The following POU3F4 variants were observed in gnomAD, a reference collection of about 807,000 sequenced individuals.
POU3F4 encodes POU domain, class 3, transcription factor 4.
POU3F4 carries 2 observed loss-of-function variants against 15.2 expected under a neutral mutation model. That is an observed-to-expected ratio of 0.13 (90% CI 0.05 to 0.42). The LOEUF (loss-of-function observed/expected upper bound fraction) is 0.42. Ranked by LOEUF, POU3F4 falls within the 10% of genes least tolerant of loss-of-function variation. The probability of loss-of-function intolerance (pLI) is 0.99; values close to 1 mark genes in which losing one functional copy is unlikely to be tolerated. For missense variants in POU3F4, 220 were observed against 297.0 expected (o/e 0.74, Z 1.91); for synonymous variants, 158 against 133.3 (o/e 1.19, Z -1.28).
rs186990152 is a variant in POU3F4 at position 83,509,122 on chromosome X, G to C, written c.798G>C (p.Pro266=). 1.1e-4 allele frequency: 131 copies of C among 1,209,920 alleles called. No homozygotes were observed. The highest frequency in any genetic ancestry group is 3.8e-5 in the Non-Finnish European group (34 of 895,168). ...AGGCGGATTCGTCCACAGGGAGCCC[G>C]ACCAGCATTGACAAGATCGCTGCAC... ...LEEADSSTGS[P]TSIDKIAAQG... The change falls in exon 1 of 1, where the codon CCG becomes CCC. Residue 266 remains proline, a synonymous_variant. Transcript: ENST00000644024.
rs1925908882 is a variant in POU3F4, at chrX:83,511,347, A to C, written c.*1937A>C. On this transcript the variant is annotated 3_prime_UTR_variant, in exon 1 of 1. Coordinates refer to ENST00000644024, the MANE Select transcript of POU3F4 (RefSeq NM_000307.5). The stretch of plus-strand genomic sequence containing the variant: ...CACGTGTGAGGCCGGCCAAGCACCC[A>C]ACACCCAGCCGCCGCCGGCCAGACC... 1 of 112,124 alleles carries C rather than the reference A, an allele frequency of 8.9e-6. No individual in the cohort carries two copies. Among genetic ancestry groups the C allele is most frequent in the Non-Finnish European group, 1.9e-5 (1 of 53,233 alleles). 9.2% of individuals were successfully genotyped at this position (112,124 alleles called of 1,213,427 possible). A position where few individuals can be genotyped will look rare whatever the true frequency, so the allele number is the denominator to read the frequency against.
In POU3F4 at chrX:83,510,404, T is replaced by A. The variant is rs1445731652; in HGVS notation, c.*994T>A. On this transcript the variant is annotated 3_prime_UTR_variant, in exon 1 of 1. Transcript: ENST00000644024. The stretch of plus-strand genomic sequence containing the variant: ...GGTGGAGTGCCTAGGAAGGGCAGAA[T>A]AGGGAAGCCTATTAGGTTTGCAAAC... 1.8e-5 allele frequency: 2 copies of A among 109,019 alleles called. No homozygotes were observed. Among genetic ancestry groups the A allele is most frequent in the African/African-American group, 6.7e-5 (2 of 29,854 alleles). The allele number at this position is 109,019 out of a possible 1,213,427, so 9.0% of individuals were successfully genotyped here. A position where few individuals can be genotyped will look rare whatever the true frequency, so the allele number is the denominator to read the frequency against.
rs1374593669 is a variant in POU3F4, at chrX:83,511,490, G to A, written c.*2080G>A. On this transcript the variant is annotated 3_prime_UTR_variant, in exon 1 of 1. Coordinates refer to ENST00000644024, the MANE Select transcript of POU3F4 (RefSeq NM_000307.5). ...AAAGCCCGGCCCGGTTGTCGAGGATGCGTTAGTATGAGTTGCCAGGCCTCT... is the reference window on the plus strand; with the variant it reads ...AAAGCCCGGCCCGGTTGTCGAGGATACGTTAGTATGAGTTGCCAGGCCTCT... 1 of 112,697 alleles carries A rather than the reference G, an allele frequency of 8.9e-6. No individual in the cohort carries two copies. The highest frequency in any genetic ancestry group is 2.8e-4 in the East Asian group (1 of 3,586). The allele number at this position is 112,697 out of a possible 1,213,427, so 9.3% of individuals were successfully genotyped here.
chrX:83,510,975 C>A lies in POU3F4; in HGVS notation c.*1565C>A, dbSNP rs1925900125. 1.8e-5 allele frequency: 2 copies of A among 109,655 alleles called. No individual in the cohort carries two copies. The highest frequency in any genetic ancestry group is 9.7e-5 in the Admixed American group (1 of 10,343). The allele number at this position is 109,655 out of a possible 1,213,427, so 9.0% of individuals were successfully genotyped here. Reference sequence around the variant, plus strand: ...GTGGGCTCGTGGGGAGCTGTCTCGGCGTTTCTGATAAGCACAGCTGGTGGA... The same window carrying A: ...GTGGGCTCGTGGGGAGCTGTCTCGGAGTTTCTGATAAGCACAGCTGGTGGA... On this transcript the variant is annotated 3_prime_UTR_variant, in exon 1 of 1. Coordinates refer to ENST00000644024, the MANE Select transcript of POU3F4 (RefSeq NM_000307.5).
In POU3F4 at chrX:83,510,022, T is replaced by A. The variant is rs1303312577; in HGVS notation, c.*612T>A. 8.9e-6 allele frequency: 1 copy of A among 111,831 alleles called. No individual in the cohort carries two copies. The highest frequency in any genetic ancestry group is 1.9e-5 in the Non-Finnish European group (1 of 53,385). 9.2% of individuals were successfully genotyped at this position (111,831 alleles called of 1,213,427 possible). On this transcript the variant is annotated 3_prime_UTR_variant, in exon 1 of 1. Coordinates refer to ENST00000644024, the MANE Select transcript of POU3F4 (RefSeq NM_000307.5). ...GCCTCTGAATAACCTTTCAGCGCCT[T>A]GGTTATAGCAGCTGTATTTCAGGTG...
chrX:83,508,768 G>T lies in POU3F4; in HGVS notation c.444G>T (p.Gly148=). The change falls in exon 1 of 1, where the codon GGG becomes GGT. Residue 148 remains glycine (G), a synonymous_variant. Coordinates refer to ENST00000644024, the MANE Select transcript of POU3F4 (RefSeq NM_000307.5). ...CCGTGAGCGGCATGCTGGAACACGG[G>T]GGACTCACCCCACCTCCAGCTGCCG... ...GFTVSGMLEH[G]GLTPPPAAAS... is the part of the protein sequence containing the mutation. 1 of 1,205,645 alleles carries T rather than the reference G, an allele frequency of 8.3e-7. No individual in the cohort carries two copies. Among genetic ancestry groups the T allele is most frequent in the Non-Finnish European group, 1.1e-6 (1 of 892,336 alleles).
rs1261258888 is a variant in POU3F4, at chrX:83,508,601, A to G, written c.277A>G (p.Ile93Val). Residue 93 changes from isoleucine to valine, a missense_variant, in exon 1 of 1, where the codon ATC becomes GTC. Coordinates refer to ENST00000644024, the MANE Select transcript of POU3F4 (RefSeq NM_000307.5). ...GCGCGAAGACCTGCAACTGGGTGCGATCATCCATCACCGCTCGCCACACGT... is the reference window on the plus strand; with the variant it reads ...GCGCGAAGACCTGCAACTGGGTGCGGTCATCCATCACCGCTCGCCACACGT... ...PGREDLQLGA[I>V]IHHRSPHVAH... The G allele has an allele frequency of 8.3e-7, 1 of 1,208,258 alleles. No homozygotes were observed. The highest frequency in any genetic ancestry group is 1.7e-5 in the African/African-American group (1 of 57,244).
rs969138831 is a variant in POU3F4 at position 83,511,074 on chromosome X, A to G, written c.*1664A>G. On this transcript the variant is annotated 3_prime_UTR_variant, in exon 1 of 1. Coordinates refer to ENST00000644024, the MANE Select transcript of POU3F4 (RefSeq NM_000307.5). ...TTCCTGCTTTTTAAAATATAAATAT[A>G]TATATATTTTTAAATCTCTGTGTGT... The G allele has an allele frequency of 6.5e-5, 7 of 107,345 alleles. No individual in the cohort carries two copies. Among genetic ancestry groups the G allele is most frequent in the Admixed American group, 5.0e-4 (5 of 9,911 alleles). 8.8% of individuals were successfully genotyped at this position (107,345 alleles called of 1,213,427 possible). A position where few individuals can be genotyped will look rare whatever the true frequency, so the allele number is the denominator to read the frequency against.
Position 83,509,615 on chromosome X carries a change from CTTTCA to C in POU3F4, c.*209_*213del. 4.0e-6 allele frequency: 2 copies of C among 506,047 alleles called. No individual in the cohort carries two copies. The highest frequency in any genetic ancestry group is 6.3e-6 in the Non-Finnish European group (2 of 317,131). 41.7% of individuals were successfully genotyped at this position (506,047 alleles called of 1,213,427 possible). ...TTCCCTTCTTTTTCCCTTTCCTTTC[CTTTCA>C]TTTTCTTTCCTTTCCCCTTCCCTTC... On this transcript the variant is annotated 3_prime_UTR_variant, in exon 1 of 1. Transcript: ENST00000644024.
At position 83,508,492 on chromosome X, in the gene POU3F4, C is replaced by A. The variant is rs372901057; in HGVS notation, c.168C>A (p.His56Gln). The change falls in exon 1 of 1, where the codon CAC (histidine) becomes CAA (glutamine). Residue 56 changes from histidine (H) to glutamine (Q), a missense_variant. Physicochemically the swap from His to Gln is conservative, Grantham distance 24. This residue lies in a region of POU3F4 where 161 missense variants were observed against 154.1 expected (regional missense o/e 1.05). Transcript: ENST00000644024. ...GCAATGGGCATCCCCTCGGGCATCA[C>A]TGGGTGACCAGTCTGAGCGACGGGG... is the stretch of plus-strand genomic sequence containing the variant. ...VPSNGHPLGH[H>Q]WVTSLSDGGP... 8.3e-7 allele frequency: 1 copy of A among 1,207,239 alleles called. No individual in the cohort carries two copies. Among genetic ancestry groups the A allele is most frequent in the Non-Finnish European group, 1.1e-6 (1 of 892,972 alleles).
Position 83,509,472 on chromosome X carries a change from C to T in POU3F4, c.*62C>T, listed in dbSNP as rs1925859617. 8.6e-7 allele frequency: 1 copy of T among 1,157,059 alleles called. No homozygotes were observed. Among genetic ancestry groups the T allele is most frequent in the Non-Finnish European group, 1.2e-6 (1 of 862,053 alleles). On this transcript the variant is annotated 3_prime_UTR_variant, in exon 1 of 1. Coordinates refer to ENST00000644024, the MANE Select transcript of POU3F4 (RefSeq NM_000307.5). ...GCAGCGCGGATTTCTCTTTCTCTCTCACTCTCTTCCTTTCATTCTAGTATT... is the reference window on the plus strand; with the variant it reads ...GCAGCGCGGATTTCTCTTTCTCTCTTACTCTCTTCCTTTCATTCTAGTATT...
Position 83,508,732 on chromosome X carries a change from G to A in POU3F4, c.408G>A (p.Gln136=). 2 of 1,209,262 alleles carry A rather than the reference G, an allele frequency of 1.7e-6. No homozygotes were observed. The highest frequency in any genetic ancestry group is 3.5e-5 in the African/African-American group (2 of 57,851). ...SSGQPLNVYS[Q]PGFTVSGMLE... ...GCCAACCCCTCAACGTGTACTCGCA[G>A]CCTGGCTTCACCGTGAGCGGCATGC... Residue 136 remains glutamine, a synonymous_variant, in exon 1 of 1, where the codon CAG becomes CAA. Transcript: ENST00000644024.
chrX:83,509,918 C>T lies in POU3F4; in HGVS notation c.*508C>T, dbSNP rs1925874104. On this transcript the variant is annotated 3_prime_UTR_variant, in exon 1 of 1. Coordinates refer to ENST00000644024, the MANE Select transcript of POU3F4 (RefSeq NM_000307.5). ...ACTCAGAGTAAGGTTTGTTTGGTCG[C>T]TCCTCTCTAGGAAGAACAAGGAGTG... 1 of 106,446 alleles carries T rather than the reference C, an allele frequency of 9.4e-6. No individual in the cohort carries two copies. Among genetic ancestry groups the T allele is most frequent in the Non-Finnish European group, 2.0e-5 (1 of 50,755 alleles). The allele number at this position is 106,446 out of a possible 1,213,427, so 8.8% of individuals were successfully genotyped here.
In POU3F4 at chrX:83,508,654, C is replaced by T; in HGVS notation, c.330C>T (p.His110=). 1 of 1,211,950 alleles carries T rather than the reference C, an allele frequency of 8.3e-7. No individual in the cohort carries two copies. Among genetic ancestry groups the T allele is most frequent in the Non-Finnish European group, 1.1e-6 (1 of 895,534 alleles). The change falls in exon 1 of 1, where the codon CAC becomes CAT. Residue 110 remains histidine, a synonymous_variant. Coordinates refer to ENST00000644024, the MANE Select transcript of POU3F4 (RefSeq NM_000307.5). ...HVAHHSPHTN[H]PNAWGASPAP... is the part of the protein sequence containing the mutation. ...CCCACCACTCACCGCACACTAACCA[C>T]CCCAACGCCTGGGGGGCCAGCCCGG...
rs1159818011 is a variant in POU3F4, at chrX:83,511,959, G to A, written c.*2549G>A. On this transcript the variant is annotated 3_prime_UTR_variant, in exon 1 of 1. Transcript: ENST00000644024. The stretch of plus-strand genomic sequence containing the variant: ...CAATTATTTATTTTCAATAAATTCT[G>A]CATTGTGTTTAAAAGGAAATTCTTT... 1.8e-5 allele frequency: 2 copies of A among 112,261 alleles called. No homozygotes were observed. Among genetic ancestry groups the A allele is most frequent in the Admixed American group, 9.4e-5 (1 of 10,646 alleles). The allele number at this position is 112,261 out of a possible 1,213,427, so 9.3% of individuals were successfully genotyped here.
At position 83,511,236 on chromosome X, in the gene POU3F4, C is replaced by G. The variant is rs1299258758; in HGVS notation, c.*1826C>G. On this transcript the variant is annotated 3_prime_UTR_variant, in exon 1 of 1. Coordinates refer to ENST00000644024, the MANE Select transcript of POU3F4 (RefSeq NM_000307.5). ...AACCTGGCTAGGCTGTGTAGAGATCCCAAAAATATGCAGTTGCTGTGGCTT... is the reference window on the plus strand; with the variant it reads ...AACCTGGCTAGGCTGTGTAGAGATCGCAAAAATATGCAGTTGCTGTGGCTT... 1 of 108,767 alleles carries G rather than the reference C, an allele frequency of 9.2e-6. No homozygotes were observed. The highest frequency in any genetic ancestry group is 3.3e-5 in the African/African-American group (1 of 29,917). 9.0% of individuals were successfully genotyped at this position (108,767 alleles called of 1,213,427 possible). A position where few individuals can be genotyped will look rare whatever the true frequency, so the allele number is the denominator to read the frequency against.
Position 83,509,521 on chromosome X carries a change from C to T in POU3F4, c.*111C>T. On this transcript the variant is annotated 3_prime_UTR_variant, in exon 1 of 1. Transcript: ENST00000644024. ...TTCTTTATTATTTTTCTCTCTCTCT[C>T]GTTCGCTCGCTCTCTCGTACTCTCT... 1 of 1,038,835 alleles carries T rather than the reference C, an allele frequency of 9.6e-7. No homozygotes were observed. 85.6% of individuals were successfully genotyped at this position (1,038,835 alleles called of 1,213,427 possible). A position where few individuals can be genotyped will look rare whatever the true frequency, so the allele number is the denominator to read the frequency against.
rs751518933 is a variant in POU3F4, at chrX:83,508,860, A to T, written c.536A>T (p.His179Leu). 1 of 1,209,281 alleles carries T rather than the reference A, an allele frequency of 8.3e-7. No homozygotes were observed. The highest frequency in any genetic ancestry group is 1.1e-6 in the Non-Finnish European group (1 of 894,599). The change falls in exon 1 of 1, where the codon CAT becomes CTT. Residue 179 changes from histidine to leucine, a missense_variant. By Grantham distance (99) the His-to-Leu change is moderately conservative (BLOSUM62 -3). Transcript: ENST00000644024. ...GATCACGGCGAACTGGGCTCGCACC[A>T]TTGCCAGGATCACTCCGACGAGGAG... is the stretch of plus-strand genomic sequence containing the variant. Reference protein sequence around the residue: ...PPDHGELGSHHCQDHSDEETP... With the variant: ...PPDHGELGSHLCQDHSDEETP...
At position 83,509,472 on chromosome X, in the gene POU3F4, C is replaced by A; in HGVS notation, c.*62C>A. Reference sequence around the variant, plus strand: ...GCAGCGCGGATTTCTCTTTCTCTCTCACTCTCTTCCTTTCATTCTAGTATT... The same window carrying A: ...GCAGCGCGGATTTCTCTTTCTCTCTAACTCTCTTCCTTTCATTCTAGTATT... On this transcript the variant is annotated 3_prime_UTR_variant, in exon 1 of 1. Transcript: ENST00000644024. The A allele has an allele frequency of 8.6e-7, 1 of 1,157,057 alleles. No individual in the cohort carries two copies. The highest frequency in any genetic ancestry group is 1.2e-6 in the Non-Finnish European group (1 of 862,053).
Sources: gnomAD v4.1 joint callset for allele counts on GRCh38, gnomAD v4.1.1 for gene constraint, gnomAD v4.1.1 regional missense constraint, MANE v1.5 for transcripts, NCBI Gene and HGNC (gene_info 2026-07-23, HGNC 2026-07-21) for gene names.